Variants in ZFP92 observed in about 807,000 individuals in gnomAD.
The protein encoded by ZFP92 is zinc finger protein 92 homolog.
Under a neutral mutation model 7.6 loss-of-function variants are expected in ZFP92, and 2 were observed. That is an observed-to-expected ratio of 0.26 (90% CI 0.11 to 0.83). ZFP92 has a LOEUF of 0.83. ZFP92 is among the 40% of genes least tolerant of loss of function. The pLI is 0.65. For synonymous variants in ZFP92, 226 were observed against 183.6 expected (o/e 1.23, Z -1.87); for missense variants, 324 against 408.3 (o/e 0.79, Z 1.78).
chrX:153,423,289 C>G lies in ZFP92; in HGVS notation c.*1661C>G. On this transcript the variant is annotated 3_prime_UTR_variant, in exon 6 of 6. Coordinates refer to ENST00000338647, the MANE Select transcript of ZFP92 (RefSeq NM_001136273.2). The stretch of plus-strand genomic sequence containing the variant: ...GTGGAGGGGGGAGGTTCAAAGACAG[C>G]TGGCTCCTATCAGGAGAGTGTGGGA... 1 of 109,852 alleles carries G rather than the reference C, an allele frequency of 9.1e-6. No individual in the cohort carries two copies. The highest frequency in any genetic ancestry group is 4.7e-3 in the Middle Eastern group (1 of 215). 9.1% of individuals were successfully genotyped at this position (109,852 alleles called of 1,213,427 possible).
intron 2 of ZFP92, among the ~76,000 whole-genome samples, chrX:153,413,942 G>A (rs1042056637): frequency 4.5e-5 from 5 of 112,354 alleles, no homozygotes; most frequent in Admixed American, 2.8e-4. Flanking sequence ...GCGGGTCTCC[G>A]TCTCTGGGCG....
chrX:153,426,385 G>A lies in ZFP92; in HGVS notation c.*4757G>A, dbSNP rs2089043385. 1 of 111,016 alleles carries A rather than the reference G, an allele frequency of 9.0e-6. No homozygotes were observed. The highest frequency in any genetic ancestry group is 3.3e-5 in the African/African-American group (1 of 30,425). The allele number at this position is 111,016 out of a possible 1,213,427, so 9.1% of individuals were successfully genotyped here. ...GTTGGTAGGATCCCATTGTATGGGT[G>A]GACCACAATACCTGTTGAATACCTG... On this transcript the variant is annotated 3_prime_UTR_variant, in exon 6 of 6. Coordinates refer to ENST00000338647, the MANE Select transcript of ZFP92 (RefSeq NM_001136273.2).
At chrX:153,412,693 C>T (rs180692788) in intron 2 of ZFP92, among the ~76,000 whole-genome samples, 358 of 111,688 alleles carry the variant, frequency 3.2e-3, no homozygotes, top group African/African-American at 0.011. Context: ...GGTGGCCTGG[C>T]TCAAGGGAGC....
rs782680411 is a variant in ZFP92 at position 153,421,047 on chromosome X, A to C, written c.670A>C (p.Ile224Leu). ...SKTFTRSSNL[I>L]KHQVIHSGER... is the part of the protein sequence containing the mutation. ...GACCTTCACGCGCAGCTCCAACCTC[A>C]TCAAGCACCAGGTCATCCACAGCGG... Residue 224 changes from isoleucine (I) to leucine (L), a missense_variant, in exon 6 of 6, where the codon ATC (isoleucine) becomes CTC (leucine). Physicochemically the swap from Ile to Leu is conservative, Grantham distance 5. Coordinates refer to ENST00000338647, the MANE Select transcript of ZFP92 (RefSeq NM_001136273.2). 1.6e-5 allele frequency: 19 copies of C among 1,193,554 alleles called. No homozygotes were observed. Among genetic ancestry groups the C allele is most frequent in the Non-Finnish European group, 1.9e-5 (17 of 886,524 alleles).
rs1179432538 is a variant in ZFP92, at chrX:153,426,368, G to A, written c.*4740G>A. On this transcript the variant is annotated 3_prime_UTR_variant, in exon 6 of 6. Coordinates refer to ENST00000338647, the MANE Select transcript of ZFP92 (RefSeq NM_001136273.2). ...CTCCATTTTTTTTTATTGTTGGTAG[G>A]ATCCCATTGTATGGGTGGACCACAA... 2 of 110,979 alleles carry A rather than the reference G, an allele frequency of 1.8e-5. No individual in the cohort carries two copies. The highest frequency in any genetic ancestry group is 9.6e-5 in the Admixed American group (1 of 10,428). 9.1% of individuals were successfully genotyped at this position (110,979 alleles called of 1,213,427 possible). A position where few individuals can be genotyped will look rare whatever the true frequency, so the allele number is the denominator to read the frequency against.
At position 153,420,819 on chromosome X, in the gene ZFP92, G is replaced by A. The variant is rs187334504; in HGVS notation, c.442G>A (p.Ala148Thr). 215 of 1,170,273 alleles carry A rather than the reference G, an allele frequency of 1.8e-4. No individual in the cohort carries two copies. The African/African-American group carries it at 3.3e-3, about 18-fold the overall frequency. ...TGCGGGGCCGCAGGGCCCCAAAGGC[G>A]CGGAGAAGCGGTACCTGTGCCAGCA... ...SAAGPQGPKG[A>T]EKRYLCQQCG... Residue 148 changes from alanine to threonine, a missense_variant, in exon 6 of 6, where the codon GCG becomes ACG. Physicochemically the swap from Ala to Thr is moderately conservative, Grantham distance 58 (BLOSUM62 0). Coordinates refer to ENST00000338647, the MANE Select transcript of ZFP92 (RefSeq NM_001136273.2).
intron 4 of ZFP92, among the ~76,000 whole-genome samples, chrX:153,419,368 G>T (rs964460421): frequency 8.9e-6 from 1 of 112,618 alleles, no homozygotes; most frequent in African/African-American, 3.2e-5. Context: ...CAGCAATTTT[G>T]CCAATTAAAG....
In ZFP92 at chrX:153,421,376, G is replaced by C. The variant is rs782507537; in HGVS notation, c.999G>C (p.Ser333=). The change falls in exon 6 of 6, where the codon TCG becomes TCC. Residue 333 remains serine (S), a synonymous_variant. Transcript: ENST00000338647. The stretch of plus-strand genomic sequence containing the variant: ...GCGGCAAGGCCTTCCGTGGCCGTTC[G>C]GGCCTCAGCCAGCACCGGCGCGTGC... The part of the protein sequence containing the change: ...RECGKAFRGR[S]GLSQHRRVHS... The C allele has an allele frequency of 2.6e-6, 3 of 1,158,144 alleles. No homozygotes were observed. Among genetic ancestry groups the C allele is most frequent in the East Asian group, 6.5e-5 (2 of 30,634 alleles).
intron 3 of ZFP92, among the ~76,000 whole-genome samples, 158 bp from the exon 4 acceptor site, chrX:153,418,515 G>C (rs1298492927): frequency 9.0e-6 from 1 of 111,688 alleles, no homozygotes; most frequent in Non-Finnish European, 1.9e-5. Context: ...TGTCGGCTGT[G>C]CTGCCTGTTT....
At chrX:153,416,429 A>T (rs1442524707) in intron 2 of ZFP92, among the ~76,000 whole-genome samples, 1 of 111,795 alleles carries the variant, frequency 8.9e-6, no homozygotes, top group Non-Finnish European at 1.9e-5. Context: ...TCTTGGACCA[A>T]TGTTGGCTGG....
Position 153,423,669 on chromosome X carries a change from G to A in ZFP92, c.*2041G>A, listed in dbSNP as rs1450888847. ...TGCAGTCCTAGCACCTCAGACTCAGGCTTGGGACCATTGTCGGCTCCAGCC... is the reference window on the plus strand; with the variant it reads ...TGCAGTCCTAGCACCTCAGACTCAGACTTGGGACCATTGTCGGCTCCAGCC... On this transcript the variant is annotated 3_prime_UTR_variant, in exon 6 of 6. Coordinates refer to ENST00000338647, the MANE Select transcript of ZFP92 (RefSeq NM_001136273.2). The A allele has an allele frequency of 8.8e-6, 1 of 113,512 alleles. No homozygotes were observed. Among genetic ancestry groups the A allele is most frequent in the East Asian group, 2.8e-4 (1 of 3,610 alleles). The allele number at this position is 113,512 out of a possible 1,213,427, so 9.4% of individuals were successfully genotyped here.
chrX:153,417,088 C>G (rs182489390), intron 2 of ZFP92, among the ~76,000 whole-genome samples: 138 of 112,378 alleles, frequency 1.2e-3, no homozygotes, highest in Non-Finnish European at 2.0e-3. Flanking sequence ...TGCAACGTGA[C>G]GTGTGGAGAC....
At chrX:153,419,249 A>G (rs1042361511) in intron 4 of ZFP92, among the ~76,000 whole-genome samples, 7 of 112,650 alleles carry the variant, frequency 6.2e-5, no homozygotes, top group Middle Eastern at 4.7e-3. Context: ...ATAAGGACAA[A>G]GTGTAGACTT....
At chrX:153,417,312 G>C (rs1334035836) in intron 2 of ZFP92, among the ~76,000 whole-genome samples, 1 of 112,316 alleles carries the variant, frequency 8.9e-6, no homozygotes, top group Non-Finnish European at 1.9e-5. Flanking sequence ...CCAAATGCAG[G>C]ACCATCTGAG....
chrX:153,421,648 G>T lies in ZFP92; in HGVS notation c.*20G>T. On this transcript the variant is annotated 3_prime_UTR_variant, in exon 6 of 6. Coordinates refer to ENST00000338647, the MANE Select transcript of ZFP92 (RefSeq NM_001136273.2). Reference sequence around the variant, plus strand: ...CGCTGACTCCCCGCCAGCGCACCCAGGGCGCGGCCGGTCTGCGTGGGGGGC... The same window carrying T: ...CGCTGACTCCCCGCCAGCGCACCCATGGCGCGGCCGGTCTGCGTGGGGGGC... 1.1e-6 allele frequency: 1 copy of T among 948,606 alleles called. No homozygotes were observed. 78.2% of individuals were successfully genotyped at this position (948,606 alleles called of 1,213,427 possible). A position where few individuals can be genotyped will look rare whatever the true frequency, so the allele number is the denominator to read the frequency against.
Position 153,421,548 on chromosome X carries a change from G to C in ZFP92, c.1171G>C (p.Gly391Arg), listed in dbSNP as rs1225127862. The change falls in exon 6 of 6, where the codon GGC (glycine) becomes CGC (arginine). Residue 391 changes from glycine (G) to arginine (R), a missense_variant. Gly to Arg is a moderately radical substitution (Grantham distance 125). Coordinates refer to ENST00000338647, the MANE Select transcript of ZFP92 (RefSeq NM_001136273.2). The stretch of plus-strand genomic sequence containing the variant: ...GAGGCTAGCGGGCCCTGGGAGCACC[G>C]GCCCTGGGAGCGCGGTGGCGGCCAC... ...ARRLAGPGST[G>R]PGSAVAATSP... 1 of 1,093,414 alleles carries C rather than the reference G, an allele frequency of 9.1e-7. No homozygotes were observed. The highest frequency in any genetic ancestry group is 2.2e-5 in the South Asian group (1 of 45,921). The allele number at this position is 1,093,414 out of a possible 1,213,427, so 90.1% of individuals were successfully genotyped here.
rs782296816 is a variant in ZFP92, at chrX:153,425,683, G to A, written c.*4055G>A. 2.9e-4 allele frequency: 32 copies of A among 111,428 alleles called. No homozygotes were observed. The highest frequency in any genetic ancestry group is 1.0e-3 in the African/African-American group (31 of 30,684). 9.2% of individuals were successfully genotyped at this position (111,428 alleles called of 1,213,427 possible). Reference sequence around the variant, plus strand: ...ACGCTGAGGCAACATGAGAGGGGACGTCTTTGACACCAGGGCCCCAGCCAC... The same window carrying A: ...ACGCTGAGGCAACATGAGAGGGGACATCTTTGACACCAGGGCCCCAGCCAC... On this transcript the variant is annotated 3_prime_UTR_variant, in exon 6 of 6. Coordinates refer to ENST00000338647, the MANE Select transcript of ZFP92 (RefSeq NM_001136273.2).
In ZFP92 at chrX:153,421,617, A is replaced by T. The variant is rs1222827951; in HGVS notation, c.1240A>T (p.Ser414Cys). 3 of 988,973 alleles carry T rather than the reference A, an allele frequency of 3.0e-6. No homozygotes were observed. Among genetic ancestry groups the T allele is most frequent in the Non-Finnish European group, 3.8e-6 (3 of 789,021 alleles). The allele number at this position is 988,973 out of a possible 1,213,427, so 81.5% of individuals were successfully genotyped here. The change falls in exon 6 of 6, where the codon AGC (serine) becomes TGC (cysteine). Residue 414 changes from serine to cysteine, a missense_variant. Coordinates refer to ENST00000338647, the MANE Select transcript of ZFP92 (RefSeq NM_001136273.2). ...PSTAARPSRP[S>C]RR is the part of the protein sequence containing the mutation. ...CACAGCCGCCAGGCCTTCCAGGCCCAGCCGCCGCTGACTCCCCGCCAGCGC... is the reference window on the plus strand; with the variant it reads ...CACAGCCGCCAGGCCTTCCAGGCCCTGCCGCCGCTGACTCCCCGCCAGCGC...
At chrX:153,417,696 G>C (rs2088964393) in intron 2 of ZFP92, among the ~76,000 whole-genome samples, 1 of 111,997 alleles carries the variant, frequency 8.9e-6, no homozygotes, top group African/African-American at 3.2e-5. Context: ...GTATGGAAGT[G>C]GGCATGGCAC....
Sources: gnomAD v4.1 joint callset for allele counts (sites outside exome capture counted in the v4.1 genomes callset) on GRCh38, gnomAD v4.1.1 for gene constraint, MANE v1.5 for transcripts, NCBI Gene and HGNC (gene_info 2026-07-23, HGNC 2026-07-21) for gene names.